The following NDST1 variants were observed in gnomAD, a reference collection of about 807,000 sequenced individuals.
The protein encoded by NDST1 is N-deacetylase and N-sulfotransferase 1, also known as bifunctional heparan sulfate N-deacetylase/N-sulfotransferase 1.
A neutral mutation model predicts 92.8 loss-of-function variants in NDST1; 35 were observed. The observed-to-expected ratio is 0.38, with a 90% CI of 0.29 to 0.50. NDST1 has a LOEUF of 0.50. Among genes scored for constraint, NDST1 ranks in the 20% least tolerant of loss-of-function variants. The pLI, the probability that NDST1 is intolerant of heterozygous loss-of-function variation, is 0.94. For synonymous variants in NDST1, 493 were observed against 500.3 expected (o/e 0.99, Z 0.19); for missense variants, 822 against 1,182.7 (o/e 0.69, Z 4.47).
chr5:150,517,396 T>C (rs1754026386), intron 1 of NDST1, among the ~76,000 whole-genome samples: 2 of 151,476 alleles, frequency 1.3e-5, no homozygotes, highest in Non-Finnish European at 2.9e-5. Flanking sequence ...TGCCTCGACC[T>C]CCCAGGGTCA....
intron 9 of NDST1, among the ~76,000 whole-genome samples, chr5:150,542,429 A>G (rs1755286811): frequency 6.6e-6 from 1 of 152,208 alleles, no homozygotes; most frequent in Admixed American, 6.5e-5. Context: ...ACAGAACTGC[A>G]GGGTGACAAA....
chr5:150,548,507 T>C, intron 12 of NDST1, 119 bp downstream of exon 12: 1 of 1,089,712 alleles, frequency 9.2e-7, no homozygotes, highest in Non-Finnish European at 1.3e-6. Flanking sequence ...CTTGGAGAGC[T>C]AGACCCTTGG....
At chr5:150,533,272 G>C (rs549021219) in intron 4 of NDST1, among the ~76,000 whole-genome samples, 1 of 152,208 alleles carries the variant, frequency 6.6e-6, no homozygotes, top group African/African-American at 2.4e-5. Context: ...CTGTCCTTTC[G>C]GGCTGAGCTG....
chr5:150,543,968 C>T (rs555750316), intron 10 of NDST1, among the ~76,000 whole-genome samples: 3 of 152,200 alleles, frequency 2.0e-5, no homozygotes, highest in African/African-American at 7.2e-5. Context: ...TTAGTAGAGA[C>T]GAGGTTTTGC....
At chr5:150,529,161 G>A (rs755055275) in intron 3 of NDST1, among the ~76,000 whole-genome samples, 2 of 152,104 alleles carry the variant, frequency 1.3e-5, no homozygotes, top group Non-Finnish European at 2.9e-5. Flanking sequence ...AGAAGCCAAG[G>A]GAGGAGGATT....
At chr5:150,530,541 A>C (rs1040524099) in intron 3 of NDST1, among the ~76,000 whole-genome samples, 1 of 143,294 alleles carries the variant, frequency 7.0e-6, no homozygotes, top group Admixed American at 7.0e-5. Context: ...TCTCTTATTA[A>C]TTTTCCGTAT....
At position 150,542,793 on chromosome 5, in the gene NDST1, C is replaced by G. The variant is rs962363582; in HGVS notation, c.1847-55C>G. ...GGGAGCTAGGCCCAGAACCCAGACT[C>G]TATCTTTTGGCTGGGGGCTGGGCCC... On this transcript the variant is annotated intron_variant, in intron 9 of 14. Transcript: ENST00000261797. 5.6e-6 allele frequency: 9 copies of G among 1,612,960 alleles called. No homozygotes were observed. In the African/African-American group the frequency reaches 1.1e-4, roughly 19 times the overall value.
intron 10 of NDST1, 73 bp from the exon 11 acceptor site, chr5:150,545,238 GC>G: frequency 6.5e-7 from 1 of 1,550,152 alleles, no homozygotes; most frequent in Non-Finnish European, 8.9e-7. Flanking sequence ...CCAGTGCCTC[GC>G]CCTTGTGCTG....
At chr5:150,508,347 G>GTA (rs61119425) in intron 1 of NDST1, 121 bp downstream of exon 1, 3 of 153,972 alleles carry the variant, frequency 1.9e-5, no homozygotes, top group Admixed American at 1.3e-4. Flanking sequence ...GTGTGTGTGT[G>GTA]TGTGTCCCCA....
In NDST1 at chr5:150,549,693, G is replaced by A. The variant is rs1253233436; in HGVS notation, c.2332G>A (p.Gly778Ser). 60 of 1,613,528 alleles carry A rather than the reference G, an allele frequency of 3.7e-5. No individual in the cohort carries two copies. Among genetic ancestry groups the A allele is most frequent in the Non-Finnish European group, 4.6e-5 (54 of 1,179,510 alleles). Residue 778 changes from glycine (G) to serine (S), a missense_variant, in exon 13 of 15, where the codon GGC becomes AGC. By Grantham distance (56) the Gly-to-Ser change is moderately conservative. Transcript: ENST00000261797. ...YHANQILVLDGKLLRTEPAKV... is the reference protein window; with the variant it reads ...YHANQILVLDSKLLRTEPAKV... Reference sequence around the variant, plus strand: ...CCCTTTCCAGATTCTGGTCTTGGATGGCAAACTGCTTCGCACAGAACCTGC... The same window carrying A: ...CCCTTTCCAGATTCTGGTCTTGGATAGCAAACTGCTTCGCACAGAACCTGC...
chr5:150,511,166 G>A (rs183073639), intron 1 of NDST1, among the ~76,000 whole-genome samples: 2 of 152,340 alleles, frequency 1.3e-5, no homozygotes, highest in East Asian at 1.9e-4. Flanking sequence ...GGCATGTAAC[G>A]CAGACATGGC....
rs375809097 is a variant in NDST1 at position 150,549,658 on chromosome 5, T to C, written c.2317-20T>C. On this transcript the variant is annotated intron_variant, in intron 12 of 14. Transcript: ENST00000261797. ...CCACCGAAGTCAAAGCAGGTCCCGA[T>C]CCCCTTTCTCCCTTTCCAGATTCTG... The C allele has an allele frequency of 6.5e-7, 1 of 1,535,788 alleles. No homozygotes were observed. The highest frequency in any genetic ancestry group is 1.4e-5 in the African/African-American group (1 of 73,358).
At chr5:150,524,229 A>G (rs1754368346) in intron 2 of NDST1, among the ~76,000 whole-genome samples, 2 of 152,240 alleles carry the variant, frequency 1.3e-5, no homozygotes, top group South Asian at 4.1e-4. Flanking sequence ...TGTTGAAAAC[A>G]AGACAGTGGG....
intron 9 of NDST1, among the ~76,000 whole-genome samples, chr5:150,542,149 T>C (rs1755273093): frequency 6.6e-6 from 1 of 152,170 alleles, no homozygotes; most frequent in Admixed American, 6.5e-5. Context: ...GTCAAGTGAC[T>C]TCCCTTAACA....
intron 13 of NDST1, 80 bp downstream of exon 13, chr5:150,549,867 T>G (rs1755645059): frequency 1.2e-6 from 1 of 838,526 alleles, no homozygotes; most frequent in Admixed American, 1.9e-5. Flanking sequence ...CTTGAATAAT[T>G]ATGAGAGAGA....
rs146304238 is a variant in NDST1, at chr5:150,549,766, T to A, written c.2405T>A (p.Ile802Asn). The part of the protein sequence containing the change: ...VQKFLGVTNT[I>N]DYHKTLAFDP... Reference sequence around the variant, plus strand: ...AAGTTCCTTGGGGTGACCAACACCATTGACTACCACAAAACCTTGGCGTGA... The same window carrying A: ...AAGTTCCTTGGGGTGACCAACACCAATGACTACCACAAAACCTTGGCGTGA... Residue 802 changes from isoleucine (I) to asparagine (N), a missense_variant, in exon 13 of 15, where the codon ATT (isoleucine) becomes AAT (asparagine). Transcript: ENST00000261797. 11 of 1,611,890 alleles carry A rather than the reference T, an allele frequency of 6.8e-6. No individual in the cohort carries two copies. The highest frequency in any genetic ancestry group is 2.7e-5 in the African/African-American group (2 of 74,880).
At chr5:150,508,847 A>G (rs934696347) in intron 1 of NDST1, among the ~76,000 whole-genome samples, 6 of 152,188 alleles carry the variant, frequency 3.9e-5, no homozygotes, top group Non-Finnish European at 7.3e-5. Context: ...AAAGGGTTCT[A>G]TAACCCCCAG....
At chr5:150,540,361 T>C in intron 8 of NDST1, 97 bp downstream of exon 8, 1 of 1,311,560 alleles carries the variant, frequency 7.6e-7, no homozygotes. Context: ...TCAGCCATCA[T>C]GCCTTCACAC....
chr5:150,523,668 T>C (rs1330193486), intron 2 of NDST1, among the ~76,000 whole-genome samples: 1 of 152,226 alleles, frequency 6.6e-6, no homozygotes, highest in African/African-American at 2.4e-5. Flanking sequence ...CCACACCCAG[T>C]GCACAGAGCT....
Sources: gnomAD v4.1 joint callset for allele counts (sites outside exome capture counted in the v4.1 genomes callset) on GRCh38, gnomAD v4.1.1 for gene constraint, MANE v1.5 for transcripts, NCBI Gene and HGNC (gene_info 2026-07-23, HGNC 2026-07-21) for gene names.